Variants in ELMOD1 observed in about 807,000 individuals in gnomAD.
The protein encoded by ELMOD1 is ELMO domain containing 1.
Under a neutral mutation model 46.7 loss-of-function variants are expected in ELMOD1, and 21 were observed. That is an observed-to-expected ratio of 0.45 (90% confidence interval 0.32 to 0.65). The LOEUF (loss-of-function observed/expected upper bound fraction) is 0.65. ELMOD1 is among the 30% of genes least tolerant of loss of function. The pLI, the probability that ELMOD1 is intolerant of heterozygous loss-of-function variation, is 0.04. For missense variants in ELMOD1, 348 were observed against 407.8 expected (o/e 0.85, Z 1.26); for synonymous variants, 122 against 138.2 (o/e 0.88, Z 0.82).
At chr11:107,648,499 G>C (rs1271796777) in intron 7 of ELMOD1, among the ~76,000 whole-genome samples, 3 of 152,234 alleles carry the variant, frequency 2.0e-5, no homozygotes, top group Non-Finnish European at 4.4e-5. Context: ...ATCCCAGCCT[G>C]ATGCCTCCAG....
chr11:107,606,867 T>C (rs1197483557), intron 1 of ELMOD1, among the ~76,000 whole-genome samples: 1 of 152,138 alleles, frequency 6.6e-6, no homozygotes, highest in African/African-American at 2.4e-5. Context: ...TTTTGGCCTT[T>C]TTCTACTTTT....
At chr11:107,657,882 T>C (rs1406037901) in intron 11 of ELMOD1, among the ~76,000 whole-genome samples, 1 of 152,200 alleles carries the variant, frequency 6.6e-6, no homozygotes, top group Non-Finnish European at 1.5e-5. Context: ...AGAGACTCTT[T>C]GAAGAACATG....
Position 107,647,544 on chromosome 11 carries a change from G to T in ELMOD1, c.497G>T (p.Gly166Val). 6.2e-7 allele frequency: 1 copy of T among 1,613,704 alleles called. No individual in the cohort carries two copies. The highest frequency in any genetic ancestry group is 1.1e-5 in the South Asian group (1 of 91,050). The change falls in exon 7 of 12, where the codon GGT becomes GTT. Residue 166 changes from glycine to valine, a missense_variant. Transcript: ENST00000265840. The stretch of plus-strand genomic sequence containing the variant: ...CAGTGGTGTGAAATTGGTTTCCAAG[G>T]TGATGATCCTAAAACAGACTTTCGA... ...SKQWCEIGFQ[G>V]DDPKTDFRGM...
chr11:107,637,669 G>T (rs1158639323), intron 6 of ELMOD1, among the ~76,000 whole-genome samples: 1 of 151,574 alleles, frequency 6.6e-6, no homozygotes, highest in East Asian at 1.9e-4. Flanking sequence ...CTCCAGCCTG[G>T]GTGACAAAGC....
chr11:107,664,291 G>A (rs1866798225), intron 11 of ELMOD1, among the ~76,000 whole-genome samples: 1 of 151,780 alleles, frequency 6.6e-6, no homozygotes, highest in Admixed American at 6.6e-5. Context: ...ACTAAATGTG[G>A]TAGATAAAAA....
intron 1 of ELMOD1, chr11:107,591,882 A>C: frequency 2.0e-6 from 1 of 489,512 alleles, no homozygotes. Flanking sequence ...GGGCCGCCGG[A>C]CTGTGGGGTC....
At chr11:107,661,566 T>C (rs1866740672) in intron 11 of ELMOD1, among the ~76,000 whole-genome samples, 1 of 152,222 alleles carries the variant, frequency 6.6e-6, no homozygotes, top group Non-Finnish European at 1.5e-5. Context: ...ATGTGTTTAT[T>C]TGAGCTCAGA....
chr11:107,629,695 G>A lies in ELMOD1; in HGVS notation c.18-722G>A, dbSNP rs150166910. ...GTAAAGAAAACTTTCTTTAGCAAGA[G>A]CCAAGAACAAACTTCTCAAGAGGAG... is the stretch of plus-strand genomic sequence containing the variant. On this transcript the variant is annotated intron_variant, in intron 2 of 11. Coordinates refer to ENST00000265840, the MANE Select transcript of ELMOD1 (RefSeq NM_018712.4). Among the ~76,000 whole-genome samples, 379 of 152,286 alleles carry A rather than the reference G, an allele frequency of 2.5e-3. 1 individual carries two copies. The highest frequency in any genetic ancestry group is 0.017 in the Middle Eastern group (5 of 292).
chr11:107,651,235 G>A (rs772121822), intron 9 of ELMOD1, among the ~76,000 whole-genome samples: 20 of 152,018 alleles, frequency 1.3e-4, no homozygotes, highest in Non-Finnish European at 2.8e-4. Flanking sequence ...ATTTTATTTG[G>A]GAATTCTGTT....
chr11:107,656,156 G>A, intron 11 of ELMOD1, 90 bp downstream of exon 11: 1 of 1,389,598 alleles, frequency 7.2e-7, no homozygotes, highest in Non-Finnish European at 9.8e-7. Flanking sequence ...GGGAGGCCAA[G>A]GCGAGTGGAT....
At chr11:107,617,308 A>T (rs1179357385) in intron 1 of ELMOD1, among the ~76,000 whole-genome samples, 1 of 152,164 alleles carries the variant, frequency 6.6e-6, no homozygotes, top group African/African-American at 2.4e-5. Context: ...TTTCGAATGT[A>T]TATTCGTTTC....
intron 2 of ELMOD1, among the ~76,000 whole-genome samples, chr11:107,626,624 T>C (rs912042636): frequency 1.1e-5 from 1 of 88,172 alleles, no homozygotes; most frequent in African/African-American, 3.4e-5. Context: ...TTTCTTTCTT[T>C]CCTTCTTTTC....
intron 6 of ELMOD1, among the ~76,000 whole-genome samples, chr11:107,646,975 T>TATCG (rs1174397446): frequency 3.9e-4 from 60 of 151,944 alleles, no homozygotes; most frequent in Non-Finnish European, 6.8e-4. Context: ...TCTATCTATC[T>TATCG]ATCTATCTAT....
chr11:107,633,374 T>A (rs565632375), intron 5 of ELMOD1, among the ~76,000 whole-genome samples: 28 of 152,356 alleles, frequency 1.8e-4, no homozygotes, highest in Non-Finnish European at 3.2e-4. Context: ...TTTAATTACA[T>A]TTTTTAAGTG....
At chr11:107,628,092 T>A (rs1866073053) in intron 2 of ELMOD1, among the ~76,000 whole-genome samples, 1 of 152,158 alleles carries the variant, frequency 6.6e-6, no homozygotes, top group African/African-American at 2.4e-5. Flanking sequence ...CAATCTTTTT[T>A]TTTTTTTGGC....
chr11:107,627,200 A>C (rs953491255), intron 2 of ELMOD1, among the ~76,000 whole-genome samples: 12 of 152,232 alleles, frequency 7.9e-5, no homozygotes, highest in Admixed American at 7.2e-4. Context: ...CCCATTAGAA[A>C]AATAAGGGGA....
chr11:107,633,980 C>G (rs1308971210), intron 5 of ELMOD1, among the ~76,000 whole-genome samples: 1 of 152,098 alleles, frequency 6.6e-6, no homozygotes, highest in Non-Finnish European at 1.5e-5. Context: ...CTGTCCTGTA[C>G]GTTTGGAGCA....
chr11:107,614,318 ATTC>A (rs1392358404), intron 1 of ELMOD1, among the ~76,000 whole-genome samples: 1 of 152,158 alleles, frequency 6.6e-6, no homozygotes, highest in African/African-American at 2.4e-5. Flanking sequence ...ATTACAATTT[ATTC>A]TTCATATTAC....
In ELMOD1 at chr11:107,650,911, A is replaced by AT. The variant is rs1211060655; in HGVS notation, c.647+9dup. 43 of 1,121,504 alleles carry AT rather than the reference A, an allele frequency of 3.8e-5. No homozygotes were observed. Among genetic ancestry groups the AT allele is most frequent in the Non-Finnish European group, 5.2e-5 (43 of 827,516 alleles). 69.5% of individuals were successfully genotyped at this position (1,121,504 alleles called of 1,614,324 possible). A position where few individuals can be genotyped will look rare whatever the true frequency, so the allele number is the denominator to read the frequency against. On this transcript the variant is annotated splice_donor_region_variant and intron_variant, in intron 9 of 11. Coordinates refer to ENST00000265840, the MANE Select transcript of ELMOD1 (RefSeq NM_018712.4). ...GATATCACTAAAGAAGAAATAAGGT[A>AT]TTTTTTCTTTGTTTTTGTGTTTTAT...
Sources: gnomAD v4.1 joint callset for allele counts (sites outside exome capture counted in the v4.1 genomes callset) on GRCh38, gnomAD v4.1.1 for gene constraint, MANE v1.5 for transcripts, NCBI Gene and HGNC (gene_info 2026-07-23, HGNC 2026-07-21) for gene names.